DOCK11: variants seen among roughly 807,000 people sequenced by gnomAD.
DOCK11 encodes dedicator of cytokinesis 11, also known as dedicator of cytokinesis protein 11.
A neutral mutation model predicts 169.1 loss-of-function variants in DOCK11; 70 were observed. That is an observed-to-expected ratio of 0.41 (90% CI 0.34 to 0.51). The LOEUF (loss-of-function observed/expected upper bound fraction) is 0.51, where lower values mean the gene tolerates loss of function less well. DOCK11 is among the 20% of genes least tolerant of loss of function. DOCK11 has a pLI of 0.10. For synonymous variants in DOCK11, 529 were observed against 541.3 expected (o/e 0.98, Z 0.32); for missense variants, 1,166 against 1,538.8 (o/e 0.76, Z 4.05).
At chrX:118,533,562 G>A (rs762346891) in intron 1 of DOCK11, among the ~76,000 whole-genome samples, 2 of 111,965 alleles carry the variant, frequency 1.8e-5, no homozygotes, top group Non-Finnish European at 3.8e-5. Flanking sequence ...ATGATGTGTG[G>A]CTGCTTTATA....
intron 40 of DOCK11, among the ~76,000 whole-genome samples, chrX:118,645,537 T>C (rs1438518582): frequency 9.3e-6 from 1 of 107,485 alleles, no homozygotes; most frequent in Non-Finnish European, 1.9e-5. Context: ...CTACTAAAAA[T>C]ACAAAAATTA....
At chrX:118,612,217 A>T (rs1004955144) in intron 28 of DOCK11, among the ~76,000 whole-genome samples, 1 of 112,152 alleles carries the variant, frequency 8.9e-6, no homozygotes, top group African/African-American at 3.2e-5. Flanking sequence ...CTCATTGTTA[A>T]TTAAAAATTC....
chrX:118,558,163 C>T (rs1419592258), intron 6 of DOCK11, among the ~76,000 whole-genome samples: 1 of 109,086 alleles, frequency 9.2e-6, no homozygotes, highest in Non-Finnish European at 1.9e-5. Flanking sequence ...AATAGAGACA[C>T]GGTTTCACCA....
At chrX:118,594,167 C>T (rs1208119506) in intron 20 of DOCK11, among the ~76,000 whole-genome samples, 1 of 111,441 alleles carries the variant, frequency 9.0e-6, no homozygotes, top group Non-Finnish European at 1.9e-5. Flanking sequence ...TCGTCATGGG[C>T]CCATTCAGCA....
At chrX:118,656,791 C>T (rs184831872) in intron 44 of DOCK11, among the ~76,000 whole-genome samples, 6 of 111,399 alleles carry the variant, frequency 5.4e-5, no homozygotes, top group East Asian at 5.7e-4. Context: ...GGTGAAACTC[C>T]GGACGTTGTG....
intron 48 of DOCK11, among the ~76,000 whole-genome samples, chrX:118,678,484 T>G (rs1033638211): frequency 3.6e-5 from 4 of 111,017 alleles, no homozygotes; most frequent in Non-Finnish European, 7.6e-5. Context: ...TTTATTTTAT[T>G]TTTTTTTAGA....
chrX:118,498,094 A>G lies in DOCK11; in HGVS notation c.102+2021A>G, dbSNP rs751816495. Among the ~76,000 whole-genome samples the G allele has an allele frequency of 3.6e-5, 4 of 111,878 alleles. No individual in the cohort carries two copies. The East Asian group carries it at 1.1e-3, about 31-fold the overall frequency. On this transcript the variant is annotated intron_variant, in intron 1 of 52. Coordinates refer to ENST00000276202, the MANE Select transcript of DOCK11 (RefSeq NM_144658.4). ...CTTGGGACCAAGGTCATTGATTTTT[A>G]CCGTTTACACCAGGCAATGCAGAGG...
intron 3 of DOCK11, 48 bp downstream of exon 3, chrX:118,543,063 T>C (rs2012090592): frequency 2.1e-6 from 2 of 937,482 alleles, no homozygotes; most frequent in East Asian, 6.7e-5. Flanking sequence ...ATATTTAAAA[T>C]ATATACAGTA....
At chrX:118,609,730 T>C (rs2014632094) in intron 27 of DOCK11, among the ~76,000 whole-genome samples, 1 of 112,383 alleles carries the variant, frequency 8.9e-6, no homozygotes, top group African/African-American at 3.2e-5. Flanking sequence ...CGCTTGCCCA[T>C]GCACGTGGAG....
chrX:118,636,654 A>G (rs779679663), intron 36 of DOCK11, among the ~76,000 whole-genome samples: 2 of 112,537 alleles, frequency 1.8e-5, no homozygotes, highest in South Asian at 7.3e-4. Context: ...AAGCCCAGCA[A>G]AAGGCTTTCT....
chrX:118,509,145 G>A (rs945819583), intron 1 of DOCK11, among the ~76,000 whole-genome samples: 3 of 111,869 alleles, frequency 2.7e-5, no homozygotes, highest in African/African-American at 6.5e-5. Context: ...CTGGCTAATC[G>A]CCCAGTTCCT....
chrX:118,512,249 G>T (rs2058536), intron 1 of DOCK11, among the ~76,000 whole-genome samples: 33,760 of 111,211 alleles, frequency 0.3, 4,206 homozygotes, highest in East Asian at 0.53. Context: ...CAAGGAGGTA[G>T]GAGGAATGGT....
chrX:118,684,406 G>A (rs1385583323), intron 52 of DOCK11, among the ~76,000 whole-genome samples: 2 of 107,479 alleles, frequency 1.9e-5, no homozygotes, highest in African/African-American at 6.8e-5. Flanking sequence ...CCAAGTAGCT[G>A]GGACTACAGG....
intron 1 of DOCK11, among the ~76,000 whole-genome samples, chrX:118,507,036 A>G (rs2057617515): frequency 8.9e-6 from 1 of 112,588 alleles, no homozygotes; most frequent in South Asian, 3.6e-4. Flanking sequence ...AGCCTTGCAC[A>G]ATCATGCCTA....
chrX:118,572,042 C>T (rs1364255780), intron 10 of DOCK11, among the ~76,000 whole-genome samples: 1 of 112,127 alleles, frequency 8.9e-6, no homozygotes, highest in African/African-American at 3.2e-5. Context: ...TGAGAAGAGA[C>T]AGGGAATCAT....
intron 52 of DOCK11, 47 bp from the exon 53 acceptor site, chrX:118,685,641 G>C: frequency 8.5e-7 from 1 of 1,179,452 alleles, no homozygotes; most frequent in East Asian, 3.0e-5. Flanking sequence ...TTTTTTGGCA[G>C]TGGCTATTTT....
At chrX:118,506,836 C>T (rs1388555164) in intron 1 of DOCK11, among the ~76,000 whole-genome samples, 1 of 111,838 alleles carries the variant, frequency 8.9e-6, no homozygotes, top group Non-Finnish European at 1.9e-5. Context: ...AAAATGCCAG[C>T]ACTTTGGCAG....
chrX:118,611,433 G>T (rs1270349193), intron 28 of DOCK11, among the ~76,000 whole-genome samples: 1 of 112,231 alleles, frequency 8.9e-6, no homozygotes, highest in African/African-American at 3.2e-5. Context: ...TTTCTAGGTT[G>T]CCACCATCCC....
intron 1 of DOCK11, among the ~76,000 whole-genome samples, chrX:118,531,986 C>A (rs759841083): frequency 3.6e-5 from 4 of 111,360 alleles, no homozygotes; most frequent in African/African-American, 9.8e-5. Flanking sequence ...GAGGTCAACT[C>A]TTAAGACTTC....
Sources: gnomAD v4.1 joint callset for allele counts (sites outside exome capture counted in the v4.1 genomes callset) on GRCh38, gnomAD v4.1.1 for gene constraint, MANE v1.5 for transcripts, NCBI Gene and HGNC (gene_info 2026-07-23, HGNC 2026-07-21) for gene names.